Variants in LRRC66 observed in about 807,000 individuals in gnomAD.
LRRC66 encodes leucine-rich repeat-containing protein 66.
Under a neutral mutation model 24.6 loss-of-function variants are expected in LRRC66, and 29 were observed. The observed-to-expected ratio is 1.18, with a 90% confidence interval of 0.88 to 1.61. The LOEUF (loss-of-function observed/expected upper bound fraction) is 1.61. LRRC66 is among the 40% of genes most tolerant of loss of function. The pLI is 0.00. For synonymous variants in LRRC66, 411 were observed against 397.6 expected, an observed-to-expected ratio of 1.03 and a Z score of -0.40; for missense variants, 1,124 against 1,058.0, an observed-to-expected ratio of 1.06 and a Z score of -0.87.
chr4:52,008,855 A>C (rs187449555), intron 2 of LRRC66, among the ~76,000 whole-genome samples: 1 of 152,274 alleles, frequency 6.6e-6, no homozygotes, highest in Admixed American at 6.5e-5. Context: ...ATGTAGGTTA[A>C]ATATTTTTTC....
At chr4:52,016,602 T>C in intron 2 of LRRC66, among the ~76,000 whole-genome samples, 1 of 152,194 alleles carries the variant, frequency 6.6e-6, no homozygotes, top group East Asian at 1.9e-4. Context: ...TAAGGAATTC[T>C]GATTTTGACT....
In LRRC66 at chr4:51,995,497, G is replaced by A; in HGVS notation, c.1525C>T (p.Leu509Phe). ...SGNDGAVYSI[L>F]QRHPHAGNRE... is the part of the protein sequence containing the mutation. ...TTACCGGCATGTGGATGTCTCTGGA[G>A]AATGGAATAGACTGCACCATCATTT... The change falls in exon 5 of 5, where the codon CTC becomes TTC. Residue 509 changes from leucine to phenylalanine, a missense_variant. Physicochemically the swap from Leu to Phe is conservative, Grantham distance 22. Transcript: ENST00000682860. 1 of 1,614,164 alleles carries A rather than the reference G, an allele frequency of 6.2e-7. No individual in the cohort carries two copies. Among genetic ancestry groups the A allele is most frequent in the East Asian group, 2.2e-5 (1 of 44,866 alleles).
chr4:52,016,808 T>A (rs1301472427), intron 2 of LRRC66, among the ~76,000 whole-genome samples: 1 of 152,204 alleles, frequency 6.6e-6, no homozygotes, highest in African/African-American at 2.4e-5. Flanking sequence ...CTATATTAAC[T>A]AATACATGAT....
At position 51,994,254 on chromosome 4, in the gene LRRC66, G is replaced by T; in HGVS notation, c.*125C>A. On this transcript the variant is annotated 3_prime_UTR_variant, in exon 5 of 5. Transcript: ENST00000682860. ...CCACAAAACCCTCATTTGCATCAGT[G>T]TCCACTTGGTTGGAATTCATGTTGT... 1.1e-6 allele frequency: 1 copy of T among 900,008 alleles called. No individual in the cohort carries two copies. 55.8% of individuals were successfully genotyped at this position (900,008 alleles called of 1,614,324 possible).
chr4:52,008,579 G>C (rs75246420), intron 2 of LRRC66, among the ~76,000 whole-genome samples: 13 of 152,044 alleles, frequency 8.6e-5, no homozygotes, highest in African/African-American at 3.1e-4. Context: ...GATGAGAGCA[G>C]ATTTCTTATC....
At chr4:51,996,918 C>T (rs117231005) in intron 4 of LRRC66, among the ~76,000 whole-genome samples, 1 of 152,294 alleles carries the variant, frequency 6.6e-6, no homozygotes, top group East Asian at 1.9e-4. Flanking sequence ...TTTACTGGTT[C>T]CTTACATTTT....
At chr4:51,998,682 A>G (rs1260828716) in intron 3 of LRRC66, among the ~76,000 whole-genome samples, 1 of 152,264 alleles carries the variant, frequency 6.6e-6, no homozygotes, top group African/African-American at 2.4e-5. Flanking sequence ...AACAAGAAGT[A>G]TCCAGTGGCT....
chr4:52,000,553 T>C (rs1736425309), intron 3 of LRRC66, among the ~76,000 whole-genome samples: 1 of 152,212 alleles, frequency 6.6e-6, no homozygotes, highest in Non-Finnish European at 1.5e-5. Flanking sequence ...GCCACTTCCA[T>C]GATGACATTA....
At chr4:52,009,076 T>C (rs1337888183) in intron 2 of LRRC66, among the ~76,000 whole-genome samples, 1 of 152,164 alleles carries the variant, frequency 6.6e-6, no homozygotes, top group Non-Finnish European at 1.5e-5. Context: ...AGATATATAC[T>C]GGAAATCCCA....
At chr4:52,012,820 G>A (rs1433953793) in intron 2 of LRRC66, among the ~76,000 whole-genome samples, 1 of 152,102 alleles carries the variant, frequency 6.6e-6, no homozygotes, top group African/African-American at 2.4e-5. Flanking sequence ...GTGGCCAGAG[G>A]CAGTTTTATT....
chr4:52,017,763 G>A, intron 1 of LRRC66, 145 bp from the exon 2 acceptor site: 1 of 1,367,186 alleles, frequency 7.3e-7, no homozygotes. Context: ...ATTTCTTACT[G>A]GGGCATGAAA....
rs772000961 is a variant in LRRC66 at position 51,994,875 on chromosome 4, A to G, written c.2147T>C (p.Ile716Thr). Residue 716 changes from isoleucine (I) to threonine (T), a missense_variant, in exon 5 of 5, where the codon ATA (isoleucine) becomes ACA (threonine). By Grantham distance (89) the Ile-to-Thr change is moderately conservative (BLOSUM62 -1). Coordinates refer to ENST00000682860, the MANE Select transcript of LRRC66 (RefSeq NM_001024611.3). ...CTTGCTCCTTGCACTCTCTGAACTT[A>G]TGGAGCTCAGAGTGAACAGAGACCC... Reference protein sequence around the residue: ...DEGSLFTLSSISSESARSKTE... With the variant: ...DEGSLFTLSSTSSESARSKTE... 3.1e-6 allele frequency: 5 copies of G among 1,613,990 alleles called. No homozygotes were observed. Among genetic ancestry groups the G allele is most frequent in the East Asian group, 2.2e-5 (1 of 44,872 alleles).
intron 3 of LRRC66, among the ~76,000 whole-genome samples, chr4:52,002,757 C>T (rs1031268641): frequency 3.3e-5 from 5 of 152,204 alleles, no homozygotes; most frequent in African/African-American, 1.2e-4. Context: ...GCAACAGGGT[C>T]ACTGGGTTTC....
chr4:52,006,753 C>CA (rs1376136605), intron 2 of LRRC66, among the ~76,000 whole-genome samples: 105 of 144,562 alleles, frequency 7.3e-4, no homozygotes, highest in African/African-American at 1.9e-3. Context: ...AACAAAAAAA[C>CA]AAAAAAAAAG....
intron 2 of LRRC66, among the ~76,000 whole-genome samples, chr4:52,015,471 T>C (rs1003478144): frequency 6.6e-6 from 1 of 152,142 alleles, no homozygotes; most frequent in Non-Finnish European, 1.5e-5. Context: ...GTATACGATT[T>C]GATGCCTTGT....
At position 51,994,051 on chromosome 4, in the gene LRRC66, G is replaced by T. The variant is rs1736228230; in HGVS notation, c.*328C>A. 1 of 233,192 alleles carries T rather than the reference G, an allele frequency of 4.3e-6. No homozygotes were observed. The highest frequency in any genetic ancestry group is 8.3e-6 in the Non-Finnish European group (1 of 120,390). The allele number at this position is 233,192 out of a possible 1,614,324, so 14.4% of individuals were successfully genotyped here. ...CCCAACCTATTGATGAAGTGCTCCT[G>T]TGTTCTCAGTGAACTGGTTTTGTTT... On this transcript the variant is annotated 3_prime_UTR_variant, in exon 5 of 5. Transcript: ENST00000682860.
Position 51,996,088 on chromosome 4 carries a change from G to A in LRRC66, c.934C>T (p.Arg312Cys). 4 of 1,614,040 alleles carry A rather than the reference G, an allele frequency of 2.5e-6. No individual in the cohort carries two copies. Among genetic ancestry groups the A allele is most frequent in the Non-Finnish European group, 3.4e-6 (4 of 1,180,012 alleles). ...ETRLPPIHLH[R>C]MKSLIRSKAE... is the part of the protein sequence containing the mutation. ...TTGCTCCTTATGAGGCTTTTCATGC[G>A]ATGCAGATGAATGGGAGGAAGGCGG... Residue 312 changes from arginine (R) to cysteine (C), a missense_variant, in exon 5 of 5, where the codon CGC (arginine) becomes TGC (cysteine). Physicochemically the swap from Arg to Cys is radical, Grantham distance 180 (BLOSUM62 -3). Transcript: ENST00000682860.
chr4:52,014,110 G>A (rs931463203), intron 2 of LRRC66, among the ~76,000 whole-genome samples: 1 of 152,116 alleles, frequency 6.6e-6, no homozygotes, highest in Non-Finnish European at 1.5e-5. Flanking sequence ...AAAATTAGCC[G>A]GGCTGGTGGC....
rs1363250186 is a variant in LRRC66, at chr4:51,993,689, C to T, written c.*690G>A. The T allele has an allele frequency of 1.3e-5, 2 of 152,094 alleles. No homozygotes were observed. Among genetic ancestry groups the T allele is most frequent in the East Asian group, 1.9e-4 (1 of 5,194 alleles). 9.4% of individuals were successfully genotyped at this position (152,094 alleles called of 1,614,324 possible). A position where few individuals can be genotyped will look rare whatever the true frequency, so the allele number is the denominator to read the frequency against. ...TTACACTTTATTCTAAAAAGTGGCC[C>T]CTCTTCTCTTTTAACATAACTTATT... On this transcript the variant is annotated 3_prime_UTR_variant, in exon 5 of 5. Coordinates refer to ENST00000682860, the MANE Select transcript of LRRC66 (RefSeq NM_001024611.3).
Sources: gnomAD v4.1 joint callset for allele counts (sites outside exome capture counted in the v4.1 genomes callset) on GRCh38, gnomAD v4.1.1 for gene constraint, MANE v1.5 for transcripts, NCBI Gene and HGNC (gene_info 2026-07-23, HGNC 2026-07-21) for gene names.